NFKBIZ: variants seen among roughly 807,000 people sequenced by gnomAD.
NFKBIZ encodes the protein NF-kappa-B inhibitor zeta.
NFKBIZ carries 19 observed loss-of-function variants against 76.8 expected under a neutral mutation model. That is an observed-to-expected ratio of 0.25 (90% CI 0.17 to 0.36). The LOEUF is 0.36. NFKBIZ is among the 10% of genes least tolerant of loss of function. The pLI is 1.00. For missense variants in NFKBIZ, 829 were observed against 910.9 expected (o/e 0.91, Z 1.16); for synonymous variants, 368 against 354.8 (o/e 1.04, Z -0.42).
rs1433972533 is a variant in NFKBIZ, at chr3:101,859,574, C to T, written c.*203C>T. On this transcript the variant is annotated 3_prime_UTR_variant, in exon 12 of 12. Coordinates refer to ENST00000326172, the MANE Select transcript of NFKBIZ (RefSeq NM_031419.4). Reference sequence around the variant, plus strand: ...TTTCTCTTGGCAGATTTGCATATTTCATACCCAGGTATCTGGGATCTAGAC... The same window carrying T: ...TTTCTCTTGGCAGATTTGCATATTTTATACCCAGGTATCTGGGATCTAGAC... 1 of 400,954 alleles carries T rather than the reference C, an allele frequency of 2.5e-6. No individual in the cohort carries two copies. The highest frequency in any genetic ancestry group is 2.0e-5 in the African/African-American group (1 of 50,228). The allele number at this position is 400,954 out of a possible 1,614,324, so 24.8% of individuals were successfully genotyped here. A position where few individuals can be genotyped will look rare whatever the true frequency, so the allele number is the denominator to read the frequency against.
intron 2 of NFKBIZ, among the ~76,000 whole-genome samples, chr3:101,842,592 CTT>C (rs573749526): frequency 3.1e-4 from 41 of 130,262 alleles, no homozygotes; most frequent in Admixed American, 6.1e-4. Context: ...CTTTTCTTTT[CTT>C]TTTTTTTTTT....
At chr3:101,840,540 T>G (rs917452940) in intron 2 of NFKBIZ, among the ~76,000 whole-genome samples, 1 of 152,206 alleles carries the variant, frequency 6.6e-6, no homozygotes, top group African/African-American at 2.4e-5. Context: ...TGAAATCAAA[T>G]GGAAGAACTT....
intron 2 of NFKBIZ, among the ~76,000 whole-genome samples, chr3:101,830,551 C>T (rs570835287): frequency 6.6e-6 from 1 of 152,282 alleles, no homozygotes; most frequent in Admixed American, 6.5e-5. Context: ...GTTTAGCTCC[C>T]ACTTAAAAAT....
chr3:101,842,311 C>T (rs1368502037), intron 2 of NFKBIZ, among the ~76,000 whole-genome samples: 4 of 152,150 alleles, frequency 2.6e-5, no homozygotes, highest in Non-Finnish European at 5.9e-5. Context: ...TACTCAGTTT[C>T]GTGTTACTGA....
chr3:101,860,775 G>T lies in NFKBIZ; in HGVS notation c.*1404G>T. ...CACACTAAGTTTTTGTAATAAATTTGACTCATTAAAAACCTTTTTTTTTTA... is the reference window on the plus strand; with the variant it reads ...CACACTAAGTTTTTGTAATAAATTTTACTCATTAAAAACCTTTTTTTTTTA... On this transcript the variant is annotated 3_prime_UTR_variant, in exon 12 of 12. Coordinates refer to ENST00000326172, the MANE Select transcript of NFKBIZ (RefSeq NM_031419.4). The T allele has an allele frequency of 7.0e-6, 1 of 142,450 alleles. No homozygotes were observed. 8.8% of individuals were successfully genotyped at this position (142,450 alleles called of 1,614,324 possible).
chr3:101,849,621 C>A lies in NFKBIZ; in HGVS notation c.-8C>A. On this transcript the variant is annotated 5_prime_UTR_variant, in exon 1 of 12. It adds an upstream start codon to the 5' untranslated region. Coordinates refer to ENST00000326172, the MANE Select transcript of NFKBIZ (RefSeq NM_031419.4). ...GTGTCGGGGTCCTCGAGCGCCCAGCCTGGGAGCATGATTGTGGACAAGCTG... is the reference window on the plus strand; with the variant it reads ...GTGTCGGGGTCCTCGAGCGCCCAGCATGGGAGCATGATTGTGGACAAGCTG... 1 of 1,350,790 alleles carries A rather than the reference C, an allele frequency of 7.4e-7. No individual in the cohort carries two copies. The highest frequency in any genetic ancestry group is 1.9e-5 in the South Asian group (1 of 51,466). The allele number at this position is 1,350,790 out of a possible 1,614,324, so 83.7% of individuals were successfully genotyped here.
intron 1 of NFKBIZ, 32 bp from the exon 2 acceptor site, chr3:101,852,053 A>C (rs763496340): frequency 2.7e-5 from 43 of 1,602,684 alleles, no homozygotes; most frequent in Non-Finnish European, 3.5e-5. Context: ...AAGATATTTA[A>C]CCAGGAATAT....
At chr3:101,851,995 C>T in intron 1 of NFKBIZ, 90 bp from the exon 2 acceptor site, 2 of 1,486,556 alleles carry the variant, frequency 1.3e-6, no homozygotes, top group South Asian at 2.6e-5. Context: ...GGACTTTATA[C>T]ATTAGGCAAC....
intron 9 of NFKBIZ, among the ~76,000 whole-genome samples, chr3:101,856,341 C>T (rs973170423): frequency 3.3e-5 from 5 of 152,164 alleles, no homozygotes; most frequent in South Asian, 4.1e-4. Context: ...TGAGCCACCG[C>T]GCCCGGCCAA....
intron 2 of NFKBIZ, among the ~76,000 whole-genome samples, chr3:101,831,035 G>C (rs908786542): frequency 6.6e-6 from 1 of 152,160 alleles, no homozygotes; most frequent in African/African-American, 2.4e-5. Context: ...CAACATGCAG[G>C]CACTTTTAAT....
intron 1 of NFKBIZ, among the ~76,000 whole-genome samples, chr3:101,850,671 C>A (rs1942942126): frequency 6.6e-6 from 1 of 152,154 alleles, no homozygotes; most frequent in Non-Finnish European, 1.5e-5. Context: ...TAGAAAAACG[C>A]CTCGATAATT....
intron 2 of NFKBIZ, among the ~76,000 whole-genome samples, chr3:101,838,576 C>A (rs1239453886): frequency 2.0e-5 from 3 of 152,288 alleles, no homozygotes; most frequent in African/African-American, 7.2e-5. Flanking sequence ...ATGTAAAAAC[C>A]ATTTTTAGGT....
At chr3:101,830,068 TG>T (rs1942627987) in intron 2 of NFKBIZ, among the ~76,000 whole-genome samples, 2 of 152,194 alleles carry the variant, frequency 1.3e-5, no homozygotes, top group Non-Finnish European at 2.9e-5. Context: ...CTCTCAGTTT[TG>T]GTGAAGAGGC....
chr3:101,849,598 G>T lies in NFKBIZ; in HGVS notation c.-31G>T. ...CGCGCAGCGAGCCGGTGGCGCAGGTGTCGGGGTCCTCGAGCGCCCAGCCTG... is the reference window on the plus strand; with the variant it reads ...CGCGCAGCGAGCCGGTGGCGCAGGTTTCGGGGTCCTCGAGCGCCCAGCCTG... On this transcript the variant is annotated 5_prime_UTR_variant, in exon 1 of 12. Transcript: ENST00000326172. The T allele has an allele frequency of 7.6e-7, 1 of 1,315,772 alleles. No individual in the cohort carries two copies. Among genetic ancestry groups the T allele is most frequent in the East Asian group, 3.1e-5 (1 of 32,654 alleles). 81.5% of individuals were successfully genotyped at this position (1,315,772 alleles called of 1,614,324 possible). A position where few individuals can be genotyped will look rare whatever the true frequency, so the allele number is the denominator to read the frequency against.
chr3:101,831,459 T>G (rs1942645826), intron 2 of NFKBIZ, among the ~76,000 whole-genome samples: 1 of 152,152 alleles, frequency 6.6e-6, no homozygotes, highest in Admixed American at 6.5e-5. Flanking sequence ...TTTTCTGTGG[T>G]TTGTTGTCTT....
intron 2 of NFKBIZ, among the ~76,000 whole-genome samples, chr3:101,829,855 T>A (rs1309040676): frequency 6.6e-6 from 1 of 151,160 alleles, no homozygotes; most frequent in Non-Finnish European, 1.5e-5. Context: ...CATTTTACTG[T>A]GATTTCATGA....
chr3:101,837,110 T>G (rs1942730073), intron 2 of NFKBIZ, among the ~76,000 whole-genome samples: 1 of 152,180 alleles, frequency 6.6e-6, no homozygotes, highest in African/African-American at 2.4e-5. Context: ...CTGGGAGTAC[T>G]GCCAATTATG....
Position 101,857,133 on chromosome 3 carries a change from A to G in NFKBIZ, c.1885A>G (p.Ile629Val), listed in dbSNP as rs558012494. 6.2e-7 allele frequency: 1 copy of G among 1,613,400 alleles called. No individual in the cohort carries two copies. Among genetic ancestry groups the G allele is most frequent in the Non-Finnish European group, 8.5e-7 (1 of 1,179,912 alleles). Residue 629 changes from isoleucine to valine, a missense_variant, in exon 10 of 12, where the codon ATT becomes GTT. Ile to Val is a conservative substitution (Grantham distance 29). Transcript: ENST00000326172. ...LAAEEANLEL[I>V]RLFLELPSCL... Reference sequence around the variant, plus strand: ...AGCTGAAGAAGCAAATCTGGAACTCATTCGCCTCTTTTTGGAGCTGCCCAG... The same window carrying G: ...AGCTGAAGAAGCAAATCTGGAACTCGTTCGCCTCTTTTTGGAGCTGCCCAG...
chr3:101,842,612 T>C (rs1942801066), intron 2 of NFKBIZ, among the ~76,000 whole-genome samples: 1 of 150,494 alleles, frequency 6.6e-6, no homozygotes, highest in Non-Finnish European at 1.5e-5. Flanking sequence ...TTTTTTTAGC[T>C]CTTCAGCTGC....
Sources: gnomAD v4.1 joint callset for allele counts (sites outside exome capture counted in the v4.1 genomes callset) on GRCh38, gnomAD v4.1.1 for gene constraint, MANE v1.5 for transcripts, NCBI Gene and HGNC (gene_info 2026-07-23, HGNC 2026-07-21) for gene names.